The following DCHS2 variants were observed in gnomAD, a reference collection of about 807,000 sequenced individuals.
The protein encoded by DCHS2 is protocadherin-23.
DCHS2 carries 142 observed loss-of-function variants against 182.4 expected under a neutral mutation model. The observed-to-expected ratio is 0.78, with a 90% CI of 0.68 to 0.89. The LOEUF is 0.89. DCHS2 is among the 40% of genes least tolerant of loss of function. The probability of loss-of-function intolerance (pLI) is 0.00; values close to 1 mark genes in which losing one functional copy is unlikely to be tolerated. For missense variants in DCHS2, 4,319 were observed against 4,198.6 expected (o/e 1.03, Z -0.79); for synonymous variants, 1,740 against 1,663.3 (o/e 1.05, Z -1.12).
At chr4:154,413,834 T>G (rs1222201219) in intron 1 of DCHS2, among the ~76,000 whole-genome samples, 1 of 152,234 alleles carries the variant, frequency 6.6e-6, no homozygotes, top group African/African-American at 2.4e-5. Context: ...ACTGCATTAC[T>G]TTATAGCTTC....
intron 2 of DCHS2, chr4:154,374,159 G>A (rs772923994): frequency 1.3e-4 from 67 of 530,808 alleles, no homozygotes; most frequent in Non-Finnish European, 1.8e-4. Context: ...GACAGGTTAT[G>A]AGCATTTGCA....
chr4:154,459,083 C>T (rs1734894271), intron 1 of DCHS2, among the ~76,000 whole-genome samples: 1 of 152,102 alleles, frequency 6.6e-6, no homozygotes, highest in South Asian at 2.1e-4. Flanking sequence ...ACAATGGAGG[C>T]CAGAATTTTA....
intron 1 of DCHS2, chr4:154,391,275 T>A: frequency 6.2e-7 from 1 of 1,603,812 alleles, no homozygotes; most frequent in Non-Finnish European, 8.5e-7. Context: ...ATTCTCTGAT[T>A]TCGTTATCTC....
chr4:154,249,340 T>C (rs1023298252), intron 16 of DCHS2, among the ~76,000 whole-genome samples: 5 of 152,066 alleles, frequency 3.3e-5, no homozygotes, highest in African/African-American at 1.2e-4. Flanking sequence ...AAAATGCTCA[T>C]GATCACTAAT....
rs1382542009 is a variant in DCHS2 at position 154,322,311 on chromosome 4, T to A, written c.4176+20A>T. 4 of 1,611,992 alleles carry A rather than the reference T, an allele frequency of 2.5e-6. No individual in the cohort carries two copies. The highest frequency in any genetic ancestry group is 3.4e-6 in the Non-Finnish European group (4 of 1,179,362). On this transcript the variant is annotated intron_variant, in intron 8 of 19. Coordinates refer to ENST00000357232, the MANE Select transcript of DCHS2 (RefSeq NM_001358235.2). ...TGAAATCTTTAGATGTCCTTCCATA[T>A]TTTATGGTGACAACATTACCTGAAT...
At chr4:154,392,157 T>C (rs1731736971) in intron 1 of DCHS2, among the ~76,000 whole-genome samples, 1 of 152,186 alleles carries the variant, frequency 6.6e-6, no homozygotes, top group Admixed American at 6.5e-5. Context: ...CAAAGATACA[T>C]TGAAATGCCC....
chr4:154,389,516 T>TATATATATATATATATA lies in DCHS2; in HGVS notation c.2053-12073_2053-12072insTATATATATATATATAT, dbSNP rs1731575119. ...TATGTTCTATTCCTAAAGACAAAGGTTATATATATATATATATATAACCTT... is the reference window on the plus strand; with the variant it reads ...TATGTTCTATTCCTAAAGACAAAGGTATATATATATATATATATATATATATATATATATATAACCTT... On this transcript the variant is annotated intron_variant, in intron 1 of 19. Coordinates refer to ENST00000357232, the MANE Select transcript of DCHS2 (RefSeq NM_001358235.2). Among the ~76,000 whole-genome samples, 75 of 111,162 alleles carry TATATATATATATATATA rather than the reference T, an allele frequency of 6.7e-4. 1 individual carries two copies. The highest frequency in any genetic ancestry group is 2.2e-3 in the African/African-American group (70 of 32,116). The allele number at this position is 111,162 out of a possible 152,430, so 72.9% of individuals were successfully genotyped here.
At chr4:154,305,342 A>T (rs1465699095) in intron 10 of DCHS2, 111 bp from the exon 11 acceptor site, 1 of 1,287,342 alleles carries the variant, frequency 7.8e-7, no homozygotes. Flanking sequence ...AAATGGCAAG[A>T]TTCTCAAACA....
intron 9 of DCHS2, among the ~76,000 whole-genome samples, chr4:154,317,129 G>A (rs955349142): frequency 1.3e-5 from 2 of 152,090 alleles, no homozygotes; most frequent in Non-Finnish European, 2.9e-5. Context: ...TTTTGTGAGA[G>A]AAAAAAATCC....
intron 3 of DCHS2, among the ~76,000 whole-genome samples, chr4:154,339,913 G>A (rs1418604069): frequency 6.6e-6 from 1 of 152,086 alleles, no homozygotes; most frequent in African/African-American, 2.4e-5. Flanking sequence ...AAATATGAAA[G>A]GATAGGAACT....
intron 1 of DCHS2, among the ~76,000 whole-genome samples, chr4:154,449,285 TATG>T (rs1194940443): frequency 6.6e-6 from 1 of 152,180 alleles, no homozygotes; most frequent in East Asian, 1.9e-4. Context: ...TTAATTGAAT[TATG>T]ATATTTTCAA....
chr4:154,444,168 C>A (rs1734158085), intron 1 of DCHS2, among the ~76,000 whole-genome samples: 1 of 152,106 alleles, frequency 6.6e-6, no homozygotes, highest in Non-Finnish European at 1.5e-5. Flanking sequence ...GGTTTTGATA[C>A]CATCTGCTAG....
intron 1 of DCHS2, among the ~76,000 whole-genome samples, chr4:154,386,687 C>T (rs1468942509): frequency 1.3e-5 from 2 of 152,152 alleles, no homozygotes; most frequent in Non-Finnish European, 2.9e-5. Flanking sequence ...GCACTGGTGC[C>T]TAGTTCATAT....
rs777698366 is a variant in DCHS2 at position 154,237,109 on chromosome 4, T to C, written c.7543A>G (p.Thr2515Ala). The C allele has an allele frequency of 1.2e-6, 2 of 1,613,614 alleles. No individual in the cohort carries two copies. The highest frequency in any genetic ancestry group is 1.7e-4 in the Middle Eastern group (1 of 6,052). ...PVLLLDTIST[T>A]QFLVEASDGG... ...TCACTGGCTTCCACAAGAAATTGAG[T>C]TGTTGATATTGTATCCAGAAGTAAT... Residue 2515 changes from threonine to alanine, a missense_variant, in exon 20 of 20, where the codon ACT becomes GCT. Thr to Ala is a moderately conservative substitution (Grantham distance 58). Transcript: ENST00000357232.
chr4:154,249,369 C>G (rs890355487), intron 16 of DCHS2, among the ~76,000 whole-genome samples: 21 of 151,930 alleles, frequency 1.4e-4, no homozygotes, highest in Non-Finnish European at 2.5e-4. Context: ...AAATACAAAT[C>G]AAAACATAAT....
intron 1 of DCHS2, among the ~76,000 whole-genome samples, chr4:154,386,620 C>G (rs942828025): frequency 1.3e-5 from 2 of 152,088 alleles, no homozygotes; most frequent in Admixed American, 1.3e-4. Flanking sequence ...TCGGGACAAC[C>G]ATTACACTGA....
intron 12 of DCHS2, among the ~76,000 whole-genome samples, chr4:154,300,859 G>A (rs531447394): frequency 2.8e-4 from 42 of 152,288 alleles, no homozygotes; most frequent in Middle Eastern, 3.4e-3. Flanking sequence ...ATGGAGAAAG[G>A]ATTCATGATC....
intron 1 of DCHS2, among the ~76,000 whole-genome samples, chr4:154,385,727 C>T (rs1275695023): frequency 1.3e-5 from 2 of 151,960 alleles, no homozygotes; most frequent in East Asian, 1.9e-4. Context: ...CTCTTGACCT[C>T]GTGACCCACC....
chr4:154,386,069 C>T lies in DCHS2; in HGVS notation c.2053-8625G>A, dbSNP rs1282746386. Among the ~76,000 whole-genome samples the T allele has an allele frequency of 4.6e-5, 7 of 152,138 alleles. 1 individual carries two copies. Among genetic ancestry groups the T allele is most frequent in the Non-Finnish European group, 1.0e-4 (7 of 68,030 alleles). On this transcript the variant is annotated intron_variant, in intron 1 of 19. Coordinates refer to ENST00000357232, the MANE Select transcript of DCHS2 (RefSeq NM_001358235.2). Reference sequence around the variant, plus strand: ...CCCCACTCCACCCCACAGTCTGCTACCCTCCCGGTCTTTTTAGTGAACGAT... The same window carrying T: ...CCCCACTCCACCCCACAGTCTGCTATCCTCCCGGTCTTTTTAGTGAACGAT...
Sources: allele counts gnomAD v4.1 joint callset (sites outside exome capture counted in the v4.1 genomes callset), GRCh38; gene constraint gnomAD v4.1.1; transcripts MANE v1.5; gene names NCBI Gene and HGNC (gene_info 2026-07-23, HGNC 2026-07-21).